DDC: variants seen among roughly 807,000 people sequenced by gnomAD.
DDC encodes the protein aromatic-L-amino-acid decarboxylase.
A neutral mutation model predicts 60.0 loss-of-function variants in DDC; 43 were observed. The observed-to-expected ratio is 0.72, with a 90% CI of 0.56 to 0.92. The LOEUF is 0.92. DDC is among the 40% of genes least tolerant of loss of function. The pLI is 0.00. For missense variants in DDC, 573 were observed against 620.2 expected (o/e 0.92, Z 0.81); for synonymous variants, 232 against 234.6 (o/e 0.99, Z 0.10).
chr7:50,504,197 CG>C (rs2043333190), intron 6 of DDC, 138 bp from the exon 7 acceptor site: 1 of 714,788 alleles, frequency 1.4e-6, no homozygotes, highest in African/African-American at 1.8e-5. Context: ...TACATGGAAA[CG>C]TAAGCCCATG....
chr7:50,464,202 G>A (rs1206891707), intron 13 of DDC, among the ~76,000 whole-genome samples: 1 of 152,104 alleles, frequency 6.6e-6, no homozygotes, highest in East Asian at 1.9e-4. Flanking sequence ...AAACCTCACA[G>A]GACTGCACTT....
chr7:50,476,461 G>A (rs4143196), intron 11 of DDC, among the ~76,000 whole-genome samples, 163 bp downstream of exon 11: 6 of 152,166 alleles, frequency 3.9e-5, no homozygotes, highest in South Asian at 2.1e-4. Context: ...AGAGCTGCCC[G>A]CCACCTGGCA....
At position 50,552,927 on chromosome 7, in the gene DDC, C is replaced by T. The variant is rs143840633; in HGVS notation, c.-28-8814G>A. Among the ~76,000 whole-genome samples, 24 of 152,350 alleles carry T rather than the reference C, an allele frequency of 1.6e-4. No homozygotes were observed. In the East Asian group the frequency reaches 4.6e-3, roughly 29 times the overall value. On this transcript the variant is annotated intron_variant, in intron 1 of 14. Transcript: ENST00000444124. ...CCCACCATTGAGTCTTGACCACTTC[C>T]ACCTGTGCCATCTCCTGTCTCAGTC... is the stretch of plus-strand genomic sequence containing the variant.
chr7:50,477,844 TCA>T (rs1478239914), intron 10 of DDC, among the ~76,000 whole-genome samples: 1 of 152,112 alleles, frequency 6.6e-6, no homozygotes, highest in East Asian at 1.9e-4. Flanking sequence ...TGGCAATGAT[TCA>T]CAGAAACCAC....
At chr7:50,459,486 G>T (rs968734013) in intron 14 of DDC, among the ~76,000 whole-genome samples, 1 of 151,000 alleles carries the variant, frequency 6.6e-6, no homozygotes, top group African/African-American at 2.4e-5. Flanking sequence ...GTCTCTGCCC[G>T]GCCGCCATCC....
intron 9 of DDC, among the ~76,000 whole-genome samples, chr7:50,480,291 T>A (rs1272606925): frequency 6.6e-6 from 1 of 152,186 alleles, no homozygotes; most frequent in East Asian, 1.9e-4. Context: ...TCTGGGTTGG[T>A]AAATGCTTCA....
chr7:50,513,906 A>T (rs916482743), intron 6 of DDC, among the ~76,000 whole-genome samples: 1 of 151,980 alleles, frequency 6.6e-6, no homozygotes, highest in Non-Finnish European at 1.5e-5. Flanking sequence ...AGCGAAAGAC[A>T]AAGGGCATAT....
chr7:50,540,750 G>A (rs527656716), intron 2 of DDC, among the ~76,000 whole-genome samples: 9 of 152,222 alleles, frequency 5.9e-5, no homozygotes, highest in African/African-American at 4.8e-5. Context: ...CCTGGGTGAG[G>A]CACAGAGGAA....
chr7:50,498,799 T>C (rs2043179577), intron 8 of DDC, among the ~76,000 whole-genome samples: 1 of 152,250 alleles, frequency 6.6e-6, no homozygotes, highest in South Asian at 2.1e-4. Flanking sequence ...AACCAGATTG[T>C]ATGGAATTGC....
chr7:50,545,769 A>G (rs1048911559), intron 1 of DDC, among the ~76,000 whole-genome samples: 1 of 152,222 alleles, frequency 6.6e-6, no homozygotes, highest in Non-Finnish European at 1.5e-5. Flanking sequence ...CACCGCTCCC[A>G]GCCTCTAGAA....
chr7:50,531,256 G>A (rs2044196401), intron 4 of DDC, among the ~76,000 whole-genome samples: 1 of 152,126 alleles, frequency 6.6e-6, no homozygotes, highest in South Asian at 2.1e-4. Context: ...CTGAGAGCAG[G>A]CATTGTACCT....
chr7:50,506,782 G>A (rs979577445), intron 6 of DDC, among the ~76,000 whole-genome samples: 5 of 152,232 alleles, frequency 3.3e-5, no homozygotes, highest in Admixed American at 6.5e-5. Flanking sequence ...AGACCTGCCC[G>A]GTCTATCAGG....
At chr7:50,482,255 A>T (rs1444781258) in intron 9 of DDC, among the ~76,000 whole-genome samples, 2 of 152,226 alleles carry the variant, frequency 1.3e-5, no homozygotes, top group African/African-American at 4.8e-5. Flanking sequence ...TAAACAACCT[A>T]TAGTGTTTTA....
intron 6 of DDC, among the ~76,000 whole-genome samples, chr7:50,519,199 C>T (rs542740919): frequency 6.6e-6 from 1 of 152,148 alleles, no homozygotes; most frequent in African/African-American, 2.4e-5. Context: ...GCAATACCAC[C>T]TTACTCCTGC....
At chr7:50,555,147 G>C (rs1198384340) in intron 1 of DDC, among the ~76,000 whole-genome samples, 2 of 152,156 alleles carry the variant, frequency 1.3e-5, no homozygotes, top group African/African-American at 4.8e-5. Context: ...CAGGCATGGA[G>C]GAGGAGGCTG....
At chr7:50,496,392 CTCCT>C (rs2043128030) in intron 8 of DDC, among the ~76,000 whole-genome samples, 1 of 152,100 alleles carries the variant, frequency 6.6e-6, no homozygotes, top group African/African-American at 2.4e-5. Context: ...CCCCGACCAG[CTCCT>C]TTATTTTTAA....
chr7:50,499,569 C>A (rs2043203490), intron 7 of DDC, among the ~76,000 whole-genome samples: 1 of 152,112 alleles, frequency 6.6e-6, no homozygotes, highest in East Asian at 1.9e-4. Flanking sequence ...TCCAGTGACA[C>A]CACCCTTTCC....
At chr7:50,474,216 T>C (rs549200231) in intron 11 of DDC, among the ~76,000 whole-genome samples, 2 of 152,358 alleles carry the variant, frequency 1.3e-5, no homozygotes, top group East Asian at 3.9e-4. Flanking sequence ...CTAGTTGAAG[T>C]AACAGAAGGA....
chr7:50,470,317 G>A, intron 11 of DDC, 146 bp from the exon 12 acceptor site: 1 of 719,560 alleles, frequency 1.4e-6, no homozygotes, highest in South Asian at 1.5e-5. Flanking sequence ...TGTCTTGGAT[G>A]GCAGGGCCCT....
Sources: allele counts gnomAD v4.1 joint callset (sites outside exome capture counted in the v4.1 genomes callset), GRCh38; gene constraint gnomAD v4.1.1; transcripts MANE v1.5; gene names NCBI Gene and HGNC (gene_info 2026-07-23, HGNC 2026-07-21).